PDZD8: variants seen among roughly 807,000 people sequenced by gnomAD.
PDZD8 encodes the protein PDZ domain containing 8.
Under a neutral mutation model 85.8 loss-of-function variants are expected in PDZD8, and 14 were observed. The ratio of observed to expected loss-of-function variants is 0.16; its 90% CI spans 0.11 to 0.26. The LOEUF is 0.26. Ranked by LOEUF, PDZD8 falls within the 10% of genes least tolerant of loss-of-function variation. PDZD8 has a pLI of 1.00. For synonymous variants in PDZD8, 592 were observed against 568.6 expected, an observed-to-expected ratio of 1.04 and a Z score of -0.59; for missense variants, 1,197 against 1,424.3, an observed-to-expected ratio of 0.84 and a Z score of 2.57.
At chr10:117,342,356 A>G (rs1844628384) in intron 1 of PDZD8, among the ~76,000 whole-genome samples, 1 of 151,384 alleles carries the variant, frequency 6.6e-6, no homozygotes, top group Non-Finnish European at 1.5e-5. Context: ...ACTTGCTCAG[A>G]AAGTTTTAGT....
At chr10:117,339,128 C>CAAAAA (rs71013660) in intron 2 of PDZD8, among the ~76,000 whole-genome samples, 2 of 129,410 alleles carry the variant, frequency 1.5e-5, no homozygotes, top group African/African-American at 3.0e-5. Context: ...TGGACTTAAC[C>CAAAAA]AAAAAAAAAA....
At chr10:117,295,727 G>T (rs772240977) in intron 3 of PDZD8, among the ~76,000 whole-genome samples, 1 of 151,948 alleles carries the variant, frequency 6.6e-6, no homozygotes, top group African/African-American at 2.4e-5. Context: ...GTAATTTATC[G>T]TGTTAACAAA....
chr10:117,361,463 T>C (rs1038877231), intron 1 of PDZD8, among the ~76,000 whole-genome samples: 6 of 152,242 alleles, frequency 3.9e-5, no homozygotes, highest in South Asian at 4.1e-4. Context: ...CTGGACAAAG[T>C]TGGTGTTAAA....
chr10:117,278,188 T>G lies in PDZD8; in HGVS notation c.*5080A>C, dbSNP rs1015797709. On this transcript the variant is annotated 3_prime_UTR_variant, in exon 5 of 5. Coordinates refer to ENST00000334464, the MANE Select transcript of PDZD8 (RefSeq NM_173791.5). ...AGCTGCTCTGACTTTAATATCTGAC[T>G]ATATCTTTGATCTGTTTGCAGGTCA... The G allele has an allele frequency of 3.3e-5, 5 of 152,236 alleles. No homozygotes were observed. The highest frequency in any genetic ancestry group is 1.2e-4 in the African/African-American group (5 of 41,470). 9.4% of individuals were successfully genotyped at this position (152,236 alleles called of 1,614,324 possible).
intron 1 of PDZD8, among the ~76,000 whole-genome samples, chr10:117,343,551 T>C (rs1844653898): frequency 6.6e-6 from 1 of 152,218 alleles, no homozygotes; most frequent in South Asian, 2.1e-4. Flanking sequence ...AAAATTATAA[T>C]AACCATATAC....
At chr10:117,323,831 C>A (rs1330014528) in intron 2 of PDZD8, among the ~76,000 whole-genome samples, 1 of 152,086 alleles carries the variant, frequency 6.6e-6, no homozygotes, top group Non-Finnish European at 1.5e-5. Context: ...TCCAGACCTG[C>A]GTGCTAGAGA....
At chr10:117,349,899 G>C (rs1443468474) in intron 1 of PDZD8, among the ~76,000 whole-genome samples, 2 of 152,152 alleles carry the variant, frequency 1.3e-5, no homozygotes, top group Non-Finnish European at 2.9e-5. Flanking sequence ...AGGCAAAAGA[G>C]AAGGTGAGAG....
intron 3 of PDZD8, among the ~76,000 whole-genome samples, chr10:117,299,689 T>C (rs1345279024): frequency 6.6e-6 from 1 of 152,176 alleles, no homozygotes; most frequent in Admixed American, 6.6e-5. Flanking sequence ...CTTTATGATA[T>C]CTATTTCTCT....
chr10:117,292,845 T>G (rs1273836672), intron 3 of PDZD8, among the ~76,000 whole-genome samples: 1 of 151,864 alleles, frequency 6.6e-6, no homozygotes, highest in African/African-American at 2.4e-5. Context: ...TTCTCCCCAA[T>G]TTTTACTGAT....
At chr10:117,338,780 C>T (rs1347577055) in intron 2 of PDZD8, among the ~76,000 whole-genome samples, 1 of 152,146 alleles carries the variant, frequency 6.6e-6, no homozygotes, top group African/African-American at 2.4e-5. Context: ...TTTCTCAATG[C>T]CTTACATGCA....
At position 117,331,254 on chromosome 10, in the gene PDZD8, G is replaced by C. The variant is rs140821858; in HGVS notation, c.995+9726C>G. On this transcript the variant is annotated intron_variant, in intron 2 of 4. Transcript: ENST00000334464. ...AGTGGTGGTGGTAGTAGCAGAAATAGTTGAAGCAGCTAACATTTACTGTAA... is the reference window on the plus strand; with the variant it reads ...AGTGGTGGTGGTAGTAGCAGAAATACTTGAAGCAGCTAACATTTACTGTAA... Among the ~76,000 whole-genome samples, 445 of 152,300 alleles carry C rather than the reference G, an allele frequency of 2.9e-3. 3 individuals are homozygous for C. The highest frequency in any genetic ancestry group is 0.01 in the African/African-American group (419 of 41,560).
intron 3 of PDZD8, among the ~76,000 whole-genome samples, chr10:117,312,175 C>A (rs559483938): frequency 4.1e-4 from 62 of 151,994 alleles, no homozygotes; most frequent in African/African-American, 1.3e-3. Flanking sequence ...AATGGGTTAA[C>A]CAAGGTTTGT....
chr10:117,337,634 G>GA (rs1844539694), intron 2 of PDZD8, among the ~76,000 whole-genome samples: 1 of 152,004 alleles, frequency 6.6e-6, no homozygotes, highest in Admixed American at 6.6e-5. Context: ...AAATATGCAA[G>GA]AAAAAACATG....
intron 1 of PDZD8, among the ~76,000 whole-genome samples, chr10:117,357,026 G>T (rs1365351084): frequency 6.6e-6 from 1 of 152,114 alleles, no homozygotes; most frequent in Admixed American, 6.5e-5. Context: ...GATAAGAAAA[G>T]AATGCATTCA....
At chr10:117,302,661 C>T (rs1413239006) in intron 3 of PDZD8, among the ~76,000 whole-genome samples, 1 of 152,116 alleles carries the variant, frequency 6.6e-6, no homozygotes, top group Admixed American at 6.5e-5. Context: ...GTGTCCCCAC[C>T]CAAATCTCAA....
At chr10:117,367,367 C>A (rs552647242) in intron 1 of PDZD8, among the ~76,000 whole-genome samples, 1 of 151,444 alleles carries the variant, frequency 6.6e-6, no homozygotes, top group African/African-American at 2.4e-5. Context: ...GCCAATATAG[C>A]GCCACCGCAC....
intron 3 of PDZD8, among the ~76,000 whole-genome samples, chr10:117,295,289 T>C (rs1317786995): frequency 6.6e-6 from 1 of 152,196 alleles, no homozygotes; most frequent in Non-Finnish European, 1.5e-5. Context: ...AAAGCTGCTG[T>C]TAGAGGTAAA....
Position 117,284,607 on chromosome 10 carries a change from C to G in PDZD8, c.2126G>C (p.Arg709Thr), listed in dbSNP as rs150645978. The G allele has an allele frequency of 6.2e-7, 1 of 1,614,080 alleles. No individual in the cohort carries two copies. The highest frequency in any genetic ancestry group is 1.3e-5 in the African/African-American group (1 of 74,928). The change falls in exon 5 of 5, where the codon AGG becomes ACG. Residue 709 changes from arginine to threonine, a missense_variant. By Grantham distance (71) the Arg-to-Thr change is moderately conservative. Coordinates refer to ENST00000334464, the MANE Select transcript of PDZD8 (RefSeq NM_173791.5). ...SCLFDIEACH[R>T]YLNIALWCRD... Reference sequence around the variant, plus strand: ...GCACCACAATGCAATGTTTAAGTACCTGTGACAGGCTTCTATGTCAAACAA... The same window carrying G: ...GCACCACAATGCAATGTTTAAGTACGTGTGACAGGCTTCTATGTCAAACAA...
At chr10:117,346,995 C>T (rs1441035345) in intron 1 of PDZD8, among the ~76,000 whole-genome samples, 3 of 151,926 alleles carry the variant, frequency 2.0e-5, no homozygotes, top group Admixed American at 6.6e-5. Context: ...TTTGAGCTAC[C>T]CACTTTCTTA....
Sources: gnomAD v4.1 joint callset for allele counts (sites outside exome capture counted in the v4.1 genomes callset) on GRCh38, gnomAD v4.1.1 for gene constraint, MANE v1.5 for transcripts, NCBI Gene and HGNC (gene_info 2026-07-23, HGNC 2026-07-21) for gene names.